Variants in RIOX2 observed in about 807,000 individuals in gnomAD.
The protein encoded by RIOX2 is ribosomal oxygenase 2.
A neutral mutation model predicts 51.2 loss-of-function variants in RIOX2; 43 were observed. The ratio of observed to expected loss-of-function variants is 0.84; its 90% CI spans 0.66 to 1.08. The LOEUF is 1.08. Ranked by LOEUF, RIOX2 falls within the 50% of genes least tolerant of loss-of-function variation. RIOX2 has a pLI of 0.00. For synonymous variants in RIOX2, 226 were observed against 218.5 expected (o/e 1.03, Z -0.30); for missense variants, 566 against 561.7 (o/e 1.01, Z -0.08).
In RIOX2 at chr3:97,943,875, T is replaced by A. The variant is rs1182180764; in HGVS notation, c.*1309A>T. On this transcript the variant is annotated 3_prime_UTR_variant, in exon 10 of 10. Transcript: ENST00000394198. ...ACGCACCTCGTTAAGTATTTATACT[T>A]GTAACTAACCCCAGGCAGGGACCTC... 6.6e-6 allele frequency: 1 copy of A among 152,016 alleles called. No homozygotes were observed. The highest frequency in any genetic ancestry group is 1.5e-5 in the Non-Finnish European group (1 of 67,938). 9.4% of individuals were successfully genotyped at this position (152,016 alleles called of 1,614,324 possible).
chr3:97,949,623 G>C (rs1705161937), intron 7 of RIOX2, among the ~76,000 whole-genome samples: 1 of 152,104 alleles, frequency 6.6e-6, no homozygotes, highest in Non-Finnish European at 1.5e-5. Context: ...TTTCCCATCA[G>C]GGTGGGATAC....
At chr3:97,958,692 C>T (rs756998009) in intron 4 of RIOX2, among the ~76,000 whole-genome samples, 2 of 152,226 alleles carry the variant, frequency 1.3e-5, no homozygotes, top group African/African-American at 2.4e-5. Flanking sequence ...TGCTGACCAT[C>T]GTCTTGGATG....
intron 5 of RIOX2, among the ~76,000 whole-genome samples, chr3:97,953,048 A>T (rs1323037074): frequency 6.6e-6 from 1 of 152,126 alleles, no homozygotes; most frequent in African/African-American, 2.4e-5. Context: ...CTGGCCCTGA[A>T]GGTAGGAGGT....
chr3:97,966,538 GA>G (rs1263867063), intron 2 of RIOX2, among the ~76,000 whole-genome samples: 4 of 152,156 alleles, frequency 2.6e-5, no homozygotes, highest in Non-Finnish European at 5.9e-5. Flanking sequence ...CCCTGATATA[GA>G]AAAAAATTTA....
chr3:97,969,037 A>C (rs1706017013), intron 1 of RIOX2, among the ~76,000 whole-genome samples: 1 of 152,218 alleles, frequency 6.6e-6, no homozygotes. Flanking sequence ...GCAACTTATA[A>C]AAGAAACTTT....
intron 2 of RIOX2, among the ~76,000 whole-genome samples, chr3:97,965,429 T>C (rs1355332106): frequency 6.6e-6 from 1 of 151,760 alleles, no homozygotes; most frequent in Non-Finnish European, 1.5e-5. Context: ...GAAGGATCAC[T>C]TGAACCCAGG....
In RIOX2 at chr3:97,959,081, G is replaced by C. The variant is rs774412875; in HGVS notation, c.651C>G (p.Ile217Met). 3 of 1,613,424 alleles carry C rather than the reference G, an allele frequency of 1.9e-6. No individual in the cohort carries two copies. Among genetic ancestry groups the C allele is most frequent in the Non-Finnish European group, 2.5e-6 (3 of 1,179,652 alleles). The change falls in exon 4 of 10, where the codon ATC (isoleucine) becomes ATG (methionine). Residue 217 changes from isoleucine to methionine, a missense_variant. Coordinates refer to ENST00000394198, the MANE Select transcript of RIOX2 (RefSeq NM_153182.4). The stretch of plus-strand genomic sequence containing the variant: ...GCATAAACTCATGCACCGGCCTGCC[G>C]ATCCTTTCCTCGGCCTCCACGCTGT... ...REYSVEAEER[I>M]GRPVHEFMLK...
chr3:97,961,099 C>A (rs1705655767), intron 3 of RIOX2, among the ~76,000 whole-genome samples: 1 of 152,132 alleles, frequency 6.6e-6, no homozygotes, highest in South Asian at 2.1e-4. Context: ...AGAGTGAAAT[C>A]AACACTTGTC....
chr3:97,960,421 A>G (rs1166178092), intron 3 of RIOX2, among the ~76,000 whole-genome samples: 1 of 152,236 alleles, frequency 6.6e-6, no homozygotes, highest in Non-Finnish European at 1.5e-5. Context: ...TATAACACAT[A>G]TAACATACAA....
chr3:97,946,113 G>A (rs2040350805), intron 8 of RIOX2, among the ~76,000 whole-genome samples: 1 of 152,100 alleles, frequency 6.6e-6, no homozygotes, highest in African/African-American at 2.4e-5. Flanking sequence ...CTATTTGTAT[G>A]TGGCAATTAA....
intron 5 of RIOX2, chr3:97,952,299 G>A (rs1441534391): frequency 8.7e-7 from 1 of 1,155,680 alleles, no homozygotes; most frequent in East Asian, 5.8e-5. Context: ...ATTGATCATG[G>A]TACCCACCCA....
intron 8 of RIOX2, 108 bp from the exon 9 acceptor site, chr3:97,945,995 T>C: frequency 1.4e-6 from 1 of 726,644 alleles, no homozygotes; most frequent in Admixed American, 2.8e-5. Context: ...TTCAAAAGCC[T>C]TGGTGCTCAA....
At chr3:97,958,819 A>C (rs1160030377) in intron 4 of RIOX2, among the ~76,000 whole-genome samples, 1 of 152,150 alleles carries the variant, frequency 6.6e-6, no homozygotes, top group African/African-American at 2.4e-5. Flanking sequence ...TTATTTGGGA[A>C]ATGAACTTAA....
chr3:97,945,948 T>C, intron 8 of RIOX2, 61 bp from the exon 9 acceptor site: 8 of 1,243,776 alleles, frequency 6.4e-6, no homozygotes, highest in Non-Finnish European at 2.3e-6. Flanking sequence ...GTGTCAGTAC[T>C]AGGAAGGTTT....
intron 3 of RIOX2, among the ~76,000 whole-genome samples, chr3:97,961,316 CAATA>C (rs943727146): frequency 1.3e-5 from 2 of 152,160 alleles, no homozygotes; most frequent in Admixed American, 1.3e-4. Flanking sequence ...TAGATAAATT[CAATA>C]AATACTTGTT....
intron 5 of RIOX2, 117 bp from the exon 6 acceptor site, chr3:97,951,005 T>A (rs1347818390): frequency 1.4e-6 from 1 of 698,108 alleles, no homozygotes; most frequent in African/African-American, 1.8e-5. Context: ...GGCTTCCCTG[T>A]CCAGGCATTT....
chr3:97,957,808 G>A (rs1227095832), intron 4 of RIOX2, among the ~76,000 whole-genome samples: 2 of 152,166 alleles, frequency 1.3e-5, no homozygotes, highest in Non-Finnish European at 2.9e-5. Flanking sequence ...TAAACATGAT[G>A]CAACAAAGCT....
chr3:97,964,313 T>C (rs548009156), intron 2 of RIOX2, among the ~76,000 whole-genome samples: 7 of 152,150 alleles, frequency 4.6e-5, no homozygotes, highest in Non-Finnish European at 1.0e-4. Flanking sequence ...GGAAAATGCC[T>C]TAAATTTGGA....
chr3:97,952,354 G>A lies in RIOX2; in HGVS notation c.786-1466C>T. 5 of 632,680 alleles carry A rather than the reference G, an allele frequency of 7.9e-6. 1 individual carries two copies. Among genetic ancestry groups the A allele is most frequent in the South Asian group, 6.0e-5 (4 of 66,208 alleles). 39.2% of individuals were successfully genotyped at this position (632,680 alleles called of 1,614,324 possible). On this transcript the variant is annotated intron_variant, in intron 5 of 9. Coordinates refer to ENST00000394198, the MANE Select transcript of RIOX2 (RefSeq NM_153182.4). Reference sequence around the variant, plus strand: ...TCTGTAACTTAGGAAGCTCTTCCCAGCCCCAGCTGAAAAGAGAAGAAATGA... The same window carrying A: ...TCTGTAACTTAGGAAGCTCTTCCCAACCCCAGCTGAAAAGAGAAGAAATGA...
Sources: gnomAD v4.1 joint callset for allele counts (sites outside exome capture counted in the v4.1 genomes callset) on GRCh38, gnomAD v4.1.1 for gene constraint, MANE v1.5 for transcripts, NCBI Gene and HGNC (gene_info 2026-07-23, HGNC 2026-07-21) for gene names.